Variants in CTNND2 observed in about 807,000 individuals in gnomAD.
The protein encoded by CTNND2 is catenin delta 2, also known as catenin delta-2.
Under a neutral mutation model 144.4 loss-of-function variants are expected in CTNND2, and 22 were observed. The observed-to-expected ratio is 0.15, with a 90% CI of 0.11 to 0.22. CTNND2 has a LOEUF of 0.22. Ranked by LOEUF, CTNND2 falls within the 10% of genes least tolerant of loss-of-function variation. The pLI is 1.00. For missense variants in CTNND2, 1,353 were observed against 1,618.8 expected (o/e 0.84, Z 2.82); for synonymous variants, 751 against 695.6 (o/e 1.08, Z -1.25).
intron 11 of CTNND2, among the ~76,000 whole-genome samples, chr5:11,178,544 AT>A (rs1400773961): frequency 1.3e-5 from 2 of 152,180 alleles, no homozygotes; most frequent in African/African-American, 4.8e-5. Context: ...AACCTGTGAT[AT>A]GAGTCCTGGT....
intron 3 of CTNND2, among the ~76,000 whole-genome samples, chr5:11,480,785 G>A (rs532698251): frequency 2.6e-5 from 4 of 152,174 alleles, no homozygotes; most frequent in South Asian, 4.2e-4. Flanking sequence ...AGGAAAAAGC[G>A]TTGATGTCAG....
intron 9 of CTNND2, among the ~76,000 whole-genome samples, chr5:11,272,617 C>T (rs1185977774): frequency 6.6e-6 from 1 of 152,064 alleles, no homozygotes; most frequent in Non-Finnish European, 1.5e-5. Flanking sequence ...ACAACTCCAT[C>T]GTAGGTGGTC....
intron 2 of CTNND2, among the ~76,000 whole-genome samples, chr5:11,726,067 CA>C (rs1269861029): frequency 1.3e-5 from 2 of 152,242 alleles, no homozygotes; most frequent in African/African-American, 2.4e-5. Flanking sequence ...ACATATTTTC[CA>C]AGCGAATTTT....
Position 10,992,402 on chromosome 5 carries a change from CA to C in CTNND2, c.3211+148del. 2.7e-6 allele frequency: 3 copies of C among 1,105,058 alleles called. No individual in the cohort carries two copies. In the South Asian group the frequency reaches 4.3e-5, roughly 16 times the overall value. The allele number at this position is 1,105,058 out of a possible 1,614,324, so 68.5% of individuals were successfully genotyped here. On this transcript the variant is annotated intron_variant, in intron 19 of 21. Coordinates refer to ENST00000304623, the MANE Select transcript of CTNND2 (RefSeq NM_001332.4). ...TATACAAAACACAGAGTGGCCACCA[CA>C]GTACAAAGAACAGATTCATTTCCTA...
At chr5:11,262,985 T>C (rs966471108) in intron 9 of CTNND2, among the ~76,000 whole-genome samples, 1 of 152,096 alleles carries the variant, frequency 6.6e-6, no homozygotes, top group African/African-American at 2.4e-5. Context: ...CTAGAACGAA[T>C]TTCCGATGGC....
At chr5:11,439,810 T>A (rs1216229529) in intron 3 of CTNND2, among the ~76,000 whole-genome samples, 2 of 151,824 alleles carry the variant, frequency 1.3e-5, no homozygotes, top group Non-Finnish European at 2.9e-5. Flanking sequence ...CTTATATATA[T>A]GTGTGTATAT....
chr5:11,376,849 C>T (rs1036596529), intron 7 of CTNND2, among the ~76,000 whole-genome samples: 1 of 152,130 alleles, frequency 6.6e-6, no homozygotes, highest in African/African-American at 2.4e-5. Flanking sequence ...TCTCCCCAGC[C>T]CCACCCCCTC....
At chr5:11,076,757 T>C (rs184955623) in intron 16 of CTNND2, among the ~76,000 whole-genome samples, 21 of 152,342 alleles carry the variant, frequency 1.4e-4, no homozygotes, top group Admixed American at 3.9e-4. Context: ...AGGGTGATTA[T>C]TGTTCAATAG....
intron 9 of CTNND2, among the ~76,000 whole-genome samples, chr5:11,312,275 C>A (rs1199347337): frequency 6.6e-6 from 1 of 151,120 alleles, no homozygotes; most frequent in East Asian, 2.0e-4. Flanking sequence ...CTCCCCCTAC[C>A]CCCCCAACAC....
intron 1 of CTNND2, among the ~76,000 whole-genome samples, chr5:11,879,505 ACC>A: frequency 6.6e-6 from 1 of 151,662 alleles, no homozygotes; most frequent in South Asian, 2.1e-4. Context: ...AATCTCAAAA[ACC>A]AGCAAGATGG....
intron 8 of CTNND2, among the ~76,000 whole-genome samples, chr5:11,353,535 T>C (rs752271090): frequency 6.6e-6 from 1 of 152,236 alleles, no homozygotes; most frequent in Non-Finnish European, 1.5e-5. Flanking sequence ...CTGGGTGCAG[T>C]GGCTCACGCC....
At chr5:11,184,909 G>A (rs16901382) in intron 11 of CTNND2, among the ~76,000 whole-genome samples, 9,617 of 152,174 alleles carry the variant, frequency 0.063, 410 homozygotes, top group South Asian at 0.13. Flanking sequence ...CGCAGCACTC[G>A]GACTCAATGC....
chr5:11,323,800 C>T (rs1228976337), intron 9 of CTNND2, among the ~76,000 whole-genome samples: 1 of 152,154 alleles, frequency 6.6e-6, no homozygotes, highest in Admixed American at 6.5e-5. Context: ...AGAGGCCTGG[C>T]ATTGGGGACA....
At chr5:11,577,644 T>C (rs1312679436) in intron 2 of CTNND2, among the ~76,000 whole-genome samples, 1 of 152,130 alleles carries the variant, frequency 6.6e-6, no homozygotes, top group East Asian at 1.9e-4. Context: ...TTAGATTCCA[T>C]CTTATTGGAG....
At chr5:11,785,249 G>A (rs955753850) in intron 1 of CTNND2, among the ~76,000 whole-genome samples, 1 of 152,106 alleles carries the variant, frequency 6.6e-6, no homozygotes, top group African/African-American at 2.4e-5. Flanking sequence ...TAGAAGATGA[G>A]GATGATAGTG....
At chr5:11,779,302 A>C (rs894315177) in intron 1 of CTNND2, among the ~76,000 whole-genome samples, 2 of 152,212 alleles carry the variant, frequency 1.3e-5, no homozygotes, top group African/African-American at 4.8e-5. Flanking sequence ...TCAAGTACTT[A>C]TCATAGCTTT....
At chr5:11,167,783 T>C (rs1759492557) in intron 11 of CTNND2, among the ~76,000 whole-genome samples, 2 of 151,562 alleles carry the variant, frequency 1.3e-5, no homozygotes, top group South Asian at 2.1e-4. Context: ...TGGCTCACTG[T>C]AGCCTCAACC....
chr5:11,567,317 C>T (rs1414929177), intron 2 of CTNND2, among the ~76,000 whole-genome samples: 1 of 152,052 alleles, frequency 6.6e-6, no homozygotes, highest in Non-Finnish European at 1.5e-5. Context: ...GATTATGTTG[C>T]TTGGTGTAGT....
At chr5:11,244,679 A>G (rs1358094119) in intron 9 of CTNND2, among the ~76,000 whole-genome samples, 2 of 152,240 alleles carry the variant, frequency 1.3e-5, no homozygotes, top group Non-Finnish European at 2.9e-5. Flanking sequence ...AAGTAAGCTC[A>G]ACGGTTATAC....
Sources: allele counts gnomAD v4.1 joint callset (sites outside exome capture counted in the v4.1 genomes callset), GRCh38; gene constraint gnomAD v4.1.1; transcripts MANE v1.5; gene names NCBI Gene and HGNC (gene_info 2026-07-23, HGNC 2026-07-21).